GPBP1: variants seen among roughly 807,000 people sequenced by gnomAD.
The protein encoded by GPBP1 is GC-rich promoter binding protein 1.
Under a neutral mutation model 56.5 loss-of-function variants are expected in GPBP1, and 13 were observed. The ratio of observed to expected loss-of-function variants is 0.23; its 90% CI spans 0.15 to 0.37. The LOEUF is 0.37. Ranked by LOEUF, GPBP1 falls within the 10% of genes least tolerant of loss-of-function variation. The pLI is 1.00. For synonymous variants in GPBP1, 204 were observed against 188.9 expected, an observed-to-expected ratio of 1.08 and a Z score of -0.66; for missense variants, 477 against 572.3, an observed-to-expected ratio of 0.83 and a Z score of 1.70.
intron 2 of GPBP1, among the ~76,000 whole-genome samples, chr5:57,209,032 ATT>A (rs759409244): frequency 2.6e-5 from 4 of 151,572 alleles, no homozygotes; most frequent in Non-Finnish European, 5.9e-5. Flanking sequence ...AAGTCTTAAC[ATT>A]TTCTTGGTTA....
intron 9 of GPBP1, among the ~76,000 whole-genome samples, chr5:57,250,491 G>A (rs1741329155): frequency 6.6e-6 from 1 of 150,834 alleles, no homozygotes; most frequent in Non-Finnish European, 1.5e-5. Context: ...TATCCATCCT[G>A]GCTTAATTTT....
Position 57,261,186 on chromosome 5 carries a change from A to G in GPBP1, c.1167A>G (p.Leu389=). The G allele has an allele frequency of 6.2e-7, 1 of 1,606,570 alleles. No homozygotes were observed. Among genetic ancestry groups the G allele is most frequent in the East Asian group, 2.2e-5 (1 of 44,808 alleles). Residue 389 remains leucine, a synonymous_variant, in exon 11 of 12, where the codon TTA becomes TTG. Transcript: ENST00000506184. ...SSSLEAEHRL[L]KEMGWQEDSE... is the part of the protein sequence containing the mutation. ...AATTTCCTCTCCTTTTCAGATTGTT[A>G]AAGGAAATGGGCTGGCAGGAAGACA... is the stretch of plus-strand genomic sequence containing the variant.
At chr5:57,258,610 TA>T (rs945009038) in intron 10 of GPBP1, among the ~76,000 whole-genome samples, 8 of 152,294 alleles carry the variant, frequency 5.3e-5, no homozygotes, top group Middle Eastern at 3.4e-3. Context: ...TTTGTATGTT[TA>T]GGGGGGAAAG....
intron 2 of GPBP1, among the ~76,000 whole-genome samples, chr5:57,190,541 G>A (rs1190541460): frequency 6.6e-6 from 1 of 150,576 alleles, no homozygotes; most frequent in African/African-American, 2.4e-5. Flanking sequence ...CTGAGATCAC[G>A]CCACTGCACT....
intron 2 of GPBP1, among the ~76,000 whole-genome samples, chr5:57,204,091 C>G (rs767395511): frequency 2.0e-5 from 3 of 152,132 alleles, no homozygotes; most frequent in Non-Finnish European, 4.4e-5. Flanking sequence ...GTCTGTAGAT[C>G]ACTTAGCATG....
chr5:57,201,226 C>G (rs189017570), intron 2 of GPBP1, among the ~76,000 whole-genome samples: 1 of 152,152 alleles, frequency 6.6e-6, no homozygotes, highest in Non-Finnish European at 1.5e-5. Context: ...TGCCCAGGCT[C>G]GTGATCCTTC....
chr5:57,199,696 A>T (rs1348053159), intron 2 of GPBP1, among the ~76,000 whole-genome samples: 1 of 152,060 alleles, frequency 6.6e-6, no homozygotes, highest in Non-Finnish European at 1.5e-5. Flanking sequence ...CCTCCCCCTG[A>T]GATTTATTTT....
chr5:57,262,238 C>T (rs1382873440), intron 11 of GPBP1, among the ~76,000 whole-genome samples: 1 of 152,126 alleles, frequency 6.6e-6, no homozygotes. Flanking sequence ...TTATATACCT[C>T]ATTCTACTTT....
intron 2 of GPBP1, among the ~76,000 whole-genome samples, chr5:57,181,863 G>A (rs1486543822): frequency 6.6e-6 from 1 of 152,218 alleles, no homozygotes; most frequent in Non-Finnish European, 1.5e-5. Flanking sequence ...TTTTGTGGTT[G>A]TGACTGTTTT....
Position 57,231,256 on chromosome 5 carries a change from C to T in GPBP1, c.346C>T (p.Pro116Ser). 1.9e-6 allele frequency: 3 copies of T among 1,614,050 alleles called. No individual in the cohort carries two copies. Among genetic ancestry groups the T allele is most frequent in the Non-Finnish European group, 2.5e-6 (3 of 1,179,956 alleles). The change falls in exon 5 of 12, where the codon CCT becomes TCT. Residue 116 changes from proline to serine, a missense_variant. By Grantham distance (74) the Pro-to-Ser change is moderately conservative. Transcript: ENST00000506184. ...KSQGLHENNI[P>S]DNETGRKEDK... ...CCAAGGACTACATGAAAACAACATA[C>T]CTGACAATGAAACCGGGAGGAAAGA...
rs60804767 is a variant in GPBP1, at chr5:57,241,334, C to T, written c.479-4966C>T. ...CTTCCTGAGAATTGGGCCAGTTCCC[C>T]GTCATCACTGCATTTATAGAAGAAA... On this transcript the variant is annotated intron_variant, in intron 6 of 11. Coordinates refer to ENST00000506184, the MANE Select transcript of GPBP1 (RefSeq NM_022913.4). Among the ~76,000 whole-genome samples the T allele has an allele frequency of 7.3e-3, 1,118 of 152,236 alleles. 20 individuals are homozygous for T. Among genetic ancestry groups the T allele is most frequent in the African/African-American group, 0.026 (1,064 of 41,532 alleles).
chr5:57,236,075 A>G (rs1478573205), intron 6 of GPBP1, 43 bp downstream of exon 6: 4 of 1,241,178 alleles, frequency 3.2e-6, no homozygotes, highest in South Asian at 1.2e-5. Context: ...CAAAATGTTG[A>G]TATTTATAGG....
intron 6 of GPBP1, among the ~76,000 whole-genome samples, chr5:57,240,772 C>T (rs984363324): frequency 6.6e-6 from 1 of 151,982 alleles, no homozygotes. Flanking sequence ...GTTGGGAGTT[C>T]AAGACCAGCC....
At chr5:57,246,540 T>C in intron 7 of GPBP1, 56 bp downstream of exon 7, 1 of 1,394,144 alleles carries the variant, frequency 7.2e-7, no homozygotes, top group East Asian at 2.3e-5. Context: ...ATTTATGTCC[T>C]ATGGGGGGAA....
At chr5:57,251,514 A>G (rs1741386187) in intron 10 of GPBP1, among the ~76,000 whole-genome samples, 1 of 151,154 alleles carries the variant, frequency 6.6e-6, no homozygotes, top group South Asian at 2.1e-4. Flanking sequence ...GCTGAATAGT[A>G]CACTATATGA....
At chr5:57,246,574 A>G (rs1741101056) in intron 7 of GPBP1, 90 bp downstream of exon 7, 1 of 1,073,358 alleles carries the variant, frequency 9.3e-7, no homozygotes, top group Non-Finnish European at 1.3e-6. Context: ...TAAAGTGTGT[A>G]TGGAGGTACT....
chr5:57,187,636 C>G (rs1044630854), intron 2 of GPBP1, among the ~76,000 whole-genome samples: 1 of 152,128 alleles, frequency 6.6e-6, no homozygotes, highest in African/African-American at 2.4e-5. Flanking sequence ...GTGATATTGG[C>G]CAACATAGTC....
In GPBP1 at chr5:57,262,740, C is replaced by T. The variant is rs143219670; in HGVS notation, c.1410C>T (p.Asp470=). Reference sequence around the variant, plus strand: ...CAAGTAGCAGTGATACATCAGATGACGACGATGTGTGAAGGATTTCCTAAC... The same window carrying T: ...CAAGTAGCAGTGATACATCAGATGATGACGATGTGTGAAGGATTTCCTAAC... ...TETSSSDTSD[D]DDV Residue 470 remains aspartate (D), a synonymous_variant, in exon 12 of 12, where the codon GAC becomes GAT. Transcript: ENST00000506184. 2.5e-5 allele frequency: 41 copies of T among 1,612,454 alleles called. No homozygotes were observed. The highest frequency in any genetic ancestry group is 6.7e-5 in the East Asian group (3 of 44,836).
At chr5:57,241,207 T>C (rs974798648) in intron 6 of GPBP1, among the ~76,000 whole-genome samples, 1 of 152,128 alleles carries the variant, frequency 6.6e-6, no homozygotes, top group Non-Finnish European at 1.5e-5. Context: ...ATGGAGAGTG[T>C]AGTGAAAGGA....
Sources: allele counts gnomAD v4.1 joint callset (sites outside exome capture counted in the v4.1 genomes callset), GRCh38; gene constraint gnomAD v4.1.1; transcripts MANE v1.5; gene names NCBI Gene and HGNC (gene_info 2026-07-23, HGNC 2026-07-21).